Variants in CERS3 observed in about 807,000 individuals in gnomAD.
CERS3 encodes ceramide synthase 3.
CERS3 carries 33 observed loss-of-function variants against 50.3 expected under a neutral mutation model. The observed-to-expected ratio is 0.66, with a 90% CI of 0.50 to 0.88. The LOEUF (loss-of-function observed/expected upper bound fraction) is 0.88, where lower values mean the gene tolerates loss of function less well. Among genes scored for constraint, CERS3 ranks in the 40% least tolerant of loss-of-function variants. The probability of loss-of-function intolerance (pLI) is 0.00; values close to 1 mark genes in which losing one functional copy is unlikely to be tolerated. For synonymous variants in CERS3, 176 were observed against 155.2 expected (o/e 1.13, Z -0.99); for missense variants, 470 against 460.3 (o/e 1.02, Z -0.19).
intron 3 of CERS3, among the ~76,000 whole-genome samples, chr15:100,494,404 C>T (rs147138734): frequency 0.017 from 2,584 of 151,578 alleles, 64 homozygotes; most frequent in African/African-American, 0.053. Context: ...CCTACCACCA[C>T]GCCCAGCTAA....
At chr15:100,511,451 A>C (rs1047958770) in intron 2 of CERS3, among the ~76,000 whole-genome samples, 1 of 152,216 alleles carries the variant, frequency 6.6e-6, no homozygotes, top group Admixed American at 6.5e-5. Flanking sequence ...GTCCATTGGG[A>C]GCCTGGGTTT....
chr15:100,435,734 G>A (rs1323346350), intron 11 of CERS3, among the ~76,000 whole-genome samples: 1 of 152,084 alleles, frequency 6.6e-6, no homozygotes, highest in Non-Finnish European at 1.5e-5. Context: ...TCTGACAAAG[G>A]TCTAATATCC....
chr15:100,538,773 T>C (rs2037132641), intron 1 of CERS3, among the ~76,000 whole-genome samples: 1 of 152,250 alleles, frequency 6.6e-6, no homozygotes, highest in South Asian at 2.1e-4. Context: ...GTTTGGTTCC[T>C]TGTTACTTAT....
chr15:100,412,643 T>C (rs919747893), intron 11 of CERS3, among the ~76,000 whole-genome samples: 1 of 152,208 alleles, frequency 6.6e-6, no homozygotes, highest in Non-Finnish European at 1.5e-5. Context: ...CCAATTTTTG[T>C]AGCTGTTCCA....
chr15:100,536,560 C>T (rs918107948), intron 1 of CERS3, among the ~76,000 whole-genome samples: 3 of 152,204 alleles, frequency 2.0e-5, no homozygotes, highest in African/African-American at 7.2e-5. Context: ...GCTGAGATGA[C>T]AGGCATGAGC....
intron 2 of CERS3, among the ~76,000 whole-genome samples, chr15:100,521,322 C>G (rs2036633426): frequency 6.6e-6 from 1 of 152,132 alleles, no homozygotes; most frequent in Non-Finnish European, 1.5e-5. Flanking sequence ...AGCTAGAGAC[C>G]TGCCCAGCAC....
chr15:100,444,640 T>G (rs1360846280), intron 11 of CERS3, among the ~76,000 whole-genome samples: 1 of 152,160 alleles, frequency 6.6e-6, no homozygotes, highest in Non-Finnish European at 1.5e-5. Context: ...CATCTGCTAT[T>G]CTACTGCTCC....
chr15:100,403,521 A>C (rs1308368637), intron 11 of CERS3, among the ~76,000 whole-genome samples: 1 of 152,202 alleles, frequency 6.6e-6, no homozygotes, highest in African/African-American at 2.4e-5. Context: ...ATAAAGAAAA[A>C]AGAGGGAAAG....
chr15:100,424,728 T>C (rs1347342371), intron 11 of CERS3, among the ~76,000 whole-genome samples: 1 of 152,204 alleles, frequency 6.6e-6, no homozygotes, highest in Non-Finnish European at 1.5e-5. Context: ...CAAGAGATGT[T>C]CTGAAACTGG....
At chr15:100,450,866 G>A (rs2034137203) in intron 11 of CERS3, among the ~76,000 whole-genome samples, 1 of 152,144 alleles carries the variant, frequency 6.6e-6, no homozygotes, top group South Asian at 2.1e-4. Flanking sequence ...AAACCTTACA[G>A]GCCAGGGGAA....
intron 3 of CERS3, among the ~76,000 whole-genome samples, chr15:100,494,964 G>T (rs1440962355): frequency 6.6e-6 from 1 of 152,120 alleles, no homozygotes; most frequent in Non-Finnish European, 1.5e-5. Flanking sequence ...TCATTTTATT[G>T]TTTGCCCTAA....
intron 11 of CERS3, among the ~76,000 whole-genome samples, chr15:100,438,967 A>G (rs2033556357): frequency 6.6e-6 from 1 of 152,236 alleles, no homozygotes; most frequent in Non-Finnish European, 1.5e-5. Context: ...CTCTCAAGGC[A>G]CTTCTCATGT....
At chr15:100,530,659 T>C (rs2036915393), upstream of CERS3, among the ~76,000 whole-genome samples, 1 of 152,224 alleles carries the variant, frequency 6.6e-6, no homozygotes, top group Non-Finnish European at 1.5e-5. Context: ...TGTTCAATAC[T>C]GGTCAAACAA....
chr15:100,454,716 G>A (rs903335808), intron 11 of CERS3, among the ~76,000 whole-genome samples: 1 of 152,038 alleles, frequency 6.6e-6, no homozygotes, highest in Non-Finnish European at 1.5e-5. Context: ...ATAGACACAT[G>A]GGACTATATT....
At chr15:100,442,378 C>G (rs949027752) in intron 11 of CERS3, among the ~76,000 whole-genome samples, 1 of 152,196 alleles carries the variant, frequency 6.6e-6, no homozygotes, top group Admixed American at 6.5e-5. Context: ...TAATTAACCT[C>G]GCCTTCAAGG....
intron 11 of CERS3, among the ~76,000 whole-genome samples, chr15:100,454,498 C>T (rs2034293399): frequency 6.6e-6 from 1 of 151,694 alleles, no homozygotes; most frequent in Non-Finnish European, 1.5e-5. Context: ...ATTGGATATC[C>T]ACATGCAGAA....
In CERS3 at chr15:100,412,599, C is replaced by T. The variant is rs11855394; in HGVS notation, c.1000-9734G>A. 9.6e-3 allele frequency among the ~76,000 whole-genome samples: 1,456 copies of T among 152,216 alleles called. 26 individuals are homozygous for T. The highest frequency in any genetic ancestry group is 0.033 in the African/African-American group (1,364 of 41,540). The stretch of plus-strand genomic sequence containing the variant: ...AAACATGACCTTAAGATCAGTTTAG[C>T]CATGGTTCCCTGATTTATAGAAGAA... On this transcript the variant is annotated intron_variant, in intron 11 of 11. Transcript: ENST00000679737.
In CERS3 at chr15:100,423,943, C is replaced by CTTT. The variant is rs113638589; in HGVS notation, c.1000-21081_1000-21079dup. ...TACTCAGTCTCATATTTCTTTCTTTCTTTTTTTTTTTTTTTGAGGTGGAGT... is the reference window on the plus strand; with the variant it reads ...TACTCAGTCTCATATTTCTTTCTTTCTTTTTTTTTTTTTTTTTTGAGGTGGAGT... On this transcript the variant is annotated intron_variant, in intron 11 of 11. Transcript: ENST00000679737. Among the ~76,000 whole-genome samples the CTTT allele has an allele frequency of 1.1e-3, 160 of 139,700 alleles. 1 individual carries two copies. Among genetic ancestry groups the CTTT allele is most frequent in the South Asian group, 9.4e-3 (41 of 4,374 alleles). 91.6% of individuals were successfully genotyped at this position (139,700 alleles called of 152,430 possible).
intron 1 of CERS3, among the ~76,000 whole-genome samples, chr15:100,542,822 CAT>C (rs200434220): frequency 0.014 from 2,172 of 152,140 alleles, 58 homozygotes; most frequent in African/African-American, 0.05. Flanking sequence ...TATATATACA[CAT>C]GTATATAACT....
Sources: allele counts gnomAD v4.1 joint callset (sites outside exome capture counted in the v4.1 genomes callset), GRCh38; gene constraint gnomAD v4.1.1; transcripts MANE v1.5; gene names NCBI Gene and HGNC (gene_info 2026-07-23, HGNC 2026-07-21).